SYT1: variants seen among roughly 807,000 people sequenced by gnomAD.
SYT1 encodes the protein synaptotagmin-1.
Under a neutral mutation model 44.8 loss-of-function variants are expected in SYT1, and 8 were observed. That is an observed-to-expected ratio of 0.18 (90% CI 0.10 to 0.32). The LOEUF is 0.32. Ranked by LOEUF, SYT1 falls within the 10% of genes least tolerant of loss-of-function variation. The probability of loss-of-function intolerance (pLI) is 1.00; values close to 1 mark genes in which losing one functional copy is unlikely to be tolerated. For synonymous variants in SYT1, 154 were observed against 188.8 expected (o/e 0.82, Z 1.51); for missense variants, 286 against 509.3 (o/e 0.56, Z 4.22).
At chr12:79,033,323 T>C (rs991912310) in intron 2 of SYT1, among the ~76,000 whole-genome samples, 1 of 151,358 alleles carries the variant, frequency 6.6e-6, no homozygotes, top group Non-Finnish European at 1.5e-5. Context: ...CCCAATTGCT[T>C]CCTCTAGTGA....
chr12:79,104,768 A>G (rs1265875817), intron 3 of SYT1, among the ~76,000 whole-genome samples: 3 of 152,072 alleles, frequency 2.0e-5, no homozygotes, highest in Admixed American at 2.0e-4. Flanking sequence ...AAGTTGCTTG[A>G]AAGAGTAAGT....
intron 3 of SYT1, among the ~76,000 whole-genome samples, chr12:79,064,926 G>GACAAAGAAAGAAAGAAAGAA (rs549891799): frequency 5.5e-4 from 61 of 111,530 alleles, no homozygotes; most frequent in Non-Finnish European, 7.9e-4. Context: ...AAAAAATAGA[G>GACAAAGAAAGAAAGAAAGAA]AGAAAGAAAG....
intron 1 of SYT1, among the ~76,000 whole-genome samples, chr12:78,973,671 C>G (rs1192290490): frequency 6.6e-6 from 1 of 151,838 alleles, no homozygotes; most frequent in Non-Finnish European, 1.5e-5. Context: ...ACTTACTACA[C>G]AGGTTGACCT....
At chr12:79,210,505 T>C (rs1401323825) in intron 3 of SYT1, among the ~76,000 whole-genome samples, 2 of 152,212 alleles carry the variant, frequency 1.3e-5, no homozygotes, top group Non-Finnish European at 2.9e-5. Context: ...AATGTTTGGT[T>C]TTCCATTCCT....
At chr12:79,432,398 G>A (rs1869849791) in intron 9 of SYT1, among the ~76,000 whole-genome samples, 1 of 149,876 alleles carries the variant, frequency 6.7e-6, no homozygotes. Context: ...GGTGTGTGAT[G>A]TTCCCCTTCC....
intron 8 of SYT1, among the ~76,000 whole-genome samples, chr12:79,301,730 A>T (rs550747050): frequency 6.6e-6 from 1 of 151,860 alleles, no homozygotes; most frequent in South Asian, 2.1e-4. Flanking sequence ...CCTTTTTCTC[A>T]CCATTGCACT....
intron 1 of SYT1, among the ~76,000 whole-genome samples, chr12:78,876,439 A>G (rs1176215406): frequency 6.9e-6 from 1 of 144,260 alleles, no homozygotes; most frequent in Non-Finnish European, 1.5e-5. Flanking sequence ...TATTCTGATA[A>G]TAACATGTTT....
intron 1 of SYT1, among the ~76,000 whole-genome samples, chr12:78,972,531 A>G (rs962417185): frequency 2.3e-5 from 3 of 131,182 alleles, no homozygotes; most frequent in Non-Finnish European, 5.0e-5. Context: ...TTTCTCAGCA[A>G]AAAAAAAATA....
intron 1 of SYT1, among the ~76,000 whole-genome samples, chr12:78,931,859 G>T (rs1397350299): frequency 6.6e-6 from 1 of 152,206 alleles, no homozygotes; most frequent in Non-Finnish European, 1.5e-5. Flanking sequence ...GAGCAGTCAG[G>T]AGAGGAAGGA....
intron 3 of SYT1, among the ~76,000 whole-genome samples, chr12:79,131,937 A>G (rs1038011287): frequency 2.0e-5 from 3 of 152,170 alleles, no homozygotes; most frequent in Non-Finnish European, 4.4e-5. Context: ...AGCTATGATA[A>G]TTTAGTTGAA....
intron 1 of SYT1, among the ~76,000 whole-genome samples, chr12:78,904,583 C>T (rs1191560899): frequency 1.3e-5 from 2 of 152,128 alleles, no homozygotes; most frequent in East Asian, 1.9e-4. Context: ...GAAAAACTAT[C>T]TTTATATGGA....
chr12:79,114,717 G>A (rs1415861717), intron 3 of SYT1, among the ~76,000 whole-genome samples: 1 of 152,006 alleles, frequency 6.6e-6, no homozygotes, highest in Non-Finnish European at 1.5e-5. Flanking sequence ...AATACTTCTG[G>A]CCAGGCCTAT....
chr12:79,310,800 A>G (rs376201537), intron 8 of SYT1, among the ~76,000 whole-genome samples: 1,568 of 152,100 alleles, frequency 0.01, 27 homozygotes, highest in African/African-American at 0.035. Flanking sequence ...GTTCACTCAT[A>G]ATTTGGCTCT....
intron 1 of SYT1, among the ~76,000 whole-genome samples, chr12:78,907,332 T>A (rs1054340701): frequency 6.6e-6 from 1 of 152,026 alleles, no homozygotes; most frequent in Non-Finnish European, 1.5e-5. Context: ...GATAATATTA[T>A]CATAATTACC....
chr12:78,881,133 T>A (rs1874430938), intron 1 of SYT1, among the ~76,000 whole-genome samples: 1 of 151,562 alleles, frequency 6.6e-6, no homozygotes, highest in African/African-American at 2.4e-5. Context: ...CAAAAGGAAA[T>A]GCCTCTCATT....
intron 3 of SYT1, among the ~76,000 whole-genome samples, chr12:79,204,507 T>C (rs1394277621): frequency 2.0e-5 from 3 of 152,230 alleles, no homozygotes; most frequent in Non-Finnish European, 2.9e-5. Flanking sequence ...ATTATTTATC[T>C]GTAACTTCTA....
chr12:78,887,412 GCTT>G (rs1458625504), intron 1 of SYT1, among the ~76,000 whole-genome samples: 1 of 151,918 alleles, frequency 6.6e-6, no homozygotes, highest in Non-Finnish European at 1.5e-5. Context: ...GCCATAAAGT[GCTT>G]CTTCTAAGTG....
intron 9 of SYT1, among the ~76,000 whole-genome samples, chr12:79,398,078 T>C (rs1193412569): frequency 2.6e-5 from 4 of 152,216 alleles, no homozygotes; most frequent in African/African-American, 4.8e-5. Context: ...CATATGTTTT[T>C]CCTGTTCCAC....
intron 9 of SYT1, among the ~76,000 whole-genome samples, chr12:79,356,102 GC>G (rs1196800123): frequency 6.6e-6 from 1 of 151,376 alleles, no homozygotes; most frequent in Non-Finnish European, 1.5e-5. Context: ...GATGAATTGA[GC>G]CACGGCGCGT....
Sources: gnomAD v4.1 joint callset for allele counts (sites outside exome capture counted in the v4.1 genomes callset) on GRCh38, gnomAD v4.1.1 for gene constraint, MANE v1.5 for transcripts, NCBI Gene and HGNC (gene_info 2026-07-23, HGNC 2026-07-21) for gene names.